Variants in INPP4B observed in about 807,000 individuals in gnomAD.
INPP4B encodes the protein inositol polyphosphate 4-phosphatase type II.
INPP4B carries 55 observed loss-of-function variants against 122.5 expected under a neutral mutation model. The observed-to-expected ratio is 0.45, with a 90% CI of 0.36 to 0.56. INPP4B has a LOEUF of 0.56. Among genes scored for constraint, INPP4B ranks in the 20% least tolerant of loss-of-function variants. The probability of loss-of-function intolerance (pLI) is 0.00; values close to 1 mark genes in which losing one functional copy is unlikely to be tolerated. For missense variants in INPP4B, 1,000 were observed against 1,097.7 expected (o/e 0.91, Z 1.26); for synonymous variants, 403 against 388.7 (o/e 1.04, Z -0.43).
At chr4:142,449,678 GAC>G (rs1186472292) in intron 3 of INPP4B, among the ~76,000 whole-genome samples, 3 of 149,918 alleles carry the variant, frequency 2.0e-5, no homozygotes, top group Non-Finnish European at 2.9e-5. Context: ...CCAGCCTGGT[GAC>G]AGAGCAAGAC....
intron 2 of INPP4B, among the ~76,000 whole-genome samples, chr4:142,537,190 G>T (rs1018412266): frequency 2.0e-5 from 3 of 151,748 alleles, no homozygotes; most frequent in African/African-American, 4.8e-5. Context: ...TCAGAGTCCT[G>T]AGTGGCCAGT....
chr4:142,479,625 C>T (rs1445146094), intron 2 of INPP4B, among the ~76,000 whole-genome samples: 2 of 151,970 alleles, frequency 1.3e-5, no homozygotes, highest in African/African-American at 2.4e-5. Flanking sequence ...GGATACTATA[C>T]AGCTATAAAA....
chr4:142,756,985 T>C (rs1192060001), intron 1 of INPP4B, among the ~76,000 whole-genome samples: 2 of 152,174 alleles, frequency 1.3e-5, no homozygotes, highest in Non-Finnish European at 2.9e-5. Context: ...ATGAATAGTG[T>C]TGTATGGCTG....
At chr4:142,041,150 GA>G in intron 25 of INPP4B, among the ~76,000 whole-genome samples, 1 of 152,036 alleles carries the variant, frequency 6.6e-6, no homozygotes, top group Admixed American at 6.6e-5. Context: ...AAAAAATTAG[GA>G]TATGAGTAAC....
intron 1 of INPP4B, among the ~76,000 whole-genome samples, chr4:142,750,254 C>G (rs1428146132): frequency 6.6e-6 from 1 of 151,880 alleles, no homozygotes; most frequent in Non-Finnish European, 1.5e-5. Context: ...TGTAAGTGTT[C>G]AAAGGCCAAA....
At chr4:142,419,527 G>A (rs1367768303) in intron 5 of INPP4B, among the ~76,000 whole-genome samples, 1 of 152,088 alleles carries the variant, frequency 6.6e-6, no homozygotes, top group Non-Finnish European at 1.5e-5. Context: ...AAGGGACAGA[G>A]AACTTAAGCT....
chr4:142,123,748 A>G (rs1352690884), intron 19 of INPP4B, among the ~76,000 whole-genome samples: 1 of 152,136 alleles, frequency 6.6e-6, no homozygotes, highest in Non-Finnish European at 1.5e-5. Flanking sequence ...GTACATGTAA[A>G]ATAGAGATGA....
intron 5 of INPP4B, among the ~76,000 whole-genome samples, chr4:142,408,497 G>A (rs1310378092): frequency 6.6e-6 from 1 of 152,122 alleles, no homozygotes; most frequent in Non-Finnish European, 1.5e-5. Context: ...AGGTTGCAGT[G>A]AGCTGAGATC....
At chr4:142,369,931 CAAA>C (rs11422223) in intron 7 of INPP4B, among the ~76,000 whole-genome samples, 3 of 94,536 alleles carry the variant, frequency 3.2e-5, no homozygotes, top group Admixed American at 1.2e-4. Flanking sequence ...GACTCCATCT[CAAA>C]AAAAAAAAAA....
At chr4:142,335,658 T>C (rs1021055372) in intron 7 of INPP4B, among the ~76,000 whole-genome samples, 2 of 152,184 alleles carry the variant, frequency 1.3e-5, no homozygotes, top group African/African-American at 2.4e-5. Flanking sequence ...CCTTAGGAGA[T>C]AGGCAGAGTC....
intron 25 of INPP4B, among the ~76,000 whole-genome samples, chr4:142,043,639 TGAAAG>T (rs1749562593): frequency 6.7e-6 from 1 of 149,980 alleles, no homozygotes; most frequent in African/African-American, 2.4e-5. Flanking sequence ...AAAAAAAAAA[TGAAAG>T]GAAAATTAAA....
At chr4:142,131,886 T>C (rs917891782) in intron 18 of INPP4B, among the ~76,000 whole-genome samples, 4 of 150,174 alleles carry the variant, frequency 2.7e-5, no homozygotes, top group Non-Finnish European at 4.4e-5. Flanking sequence ...ACCCGGGAGG[T>C]GGAGGTTGCA....
intron 25 of INPP4B, among the ~76,000 whole-genome samples, chr4:142,065,301 C>T (rs189211): frequency 0.88 from 133,909 of 151,986 alleles, 60,827 homozygotes; most frequent in Non-Finnish European, 0.98. Context: ...TGCTATACAT[C>T]TGAAGTAGAT....
chr4:142,579,901 A>G (rs1489341954), intron 2 of INPP4B, among the ~76,000 whole-genome samples: 1 of 151,244 alleles, frequency 6.6e-6, no homozygotes, highest in Non-Finnish European at 1.5e-5. Flanking sequence ...ATAGATAGAT[A>G]GATAGATAGA....
At chr4:142,796,866 AGATGTGTG>A in intron 1 of INPP4B, among the ~76,000 whole-genome samples, 1 of 104,854 alleles carries the variant, frequency 9.5e-6, no homozygotes, top group East Asian at 2.9e-4. Context: ...TGCGGAAAAC[AGATGTGTG>A]TGTGTGTGTG....
chr4:142,702,927 C>T (rs904065938), intron 2 of INPP4B, among the ~76,000 whole-genome samples: 1 of 152,072 alleles, frequency 6.6e-6, no homozygotes, highest in Admixed American at 6.6e-5. Context: ...TAATATCTAT[C>T]ATGTTGAAGA....
chr4:142,659,402 T>C (rs370452664), intron 2 of INPP4B, among the ~76,000 whole-genome samples: 34 of 151,626 alleles, frequency 2.2e-4, no homozygotes, highest in African/African-American at 8.0e-4. Flanking sequence ...TGAGACTCTG[T>C]CTCAAAAGAA....
chr4:142,074,006 C>T (rs1234948376), intron 25 of INPP4B, among the ~76,000 whole-genome samples: 1 of 152,048 alleles, frequency 6.6e-6, no homozygotes, highest in African/African-American at 2.4e-5. Context: ...CCCCTCCCAG[C>T]TAAAAAGCTT....
chr4:142,310,042 G>A (rs1258351694), intron 8 of INPP4B, among the ~76,000 whole-genome samples: 1 of 152,068 alleles, frequency 6.6e-6, no homozygotes, highest in East Asian at 1.9e-4. Flanking sequence ...GGTCAGAGAA[G>A]GTACAGCACC....
Sources: allele counts gnomAD v4.1 joint callset (sites outside exome capture counted in the v4.1 genomes callset), GRCh38; gene constraint gnomAD v4.1.1; transcripts MANE v1.5; gene names NCBI Gene and HGNC (gene_info 2026-07-23, HGNC 2026-07-21).